DOCK4: variants seen among roughly 807,000 people sequenced by gnomAD.
The protein encoded by DOCK4 is dedicator of cytokinesis 4, also known as dedicator of cytokinesis protein 4.
DOCK4 carries 97 observed loss-of-function variants against 268.1 expected under a neutral mutation model. The observed-to-expected ratio is 0.36, with a 90% confidence interval of 0.31 to 0.43. The LOEUF is 0.43. DOCK4 is among the 20% of genes least tolerant of loss of function. The probability of loss-of-function intolerance (pLI) is 1.00; values close to 1 mark genes in which losing one functional copy is unlikely to be tolerated. For missense variants in DOCK4, 2,145 were observed against 2,455.7 expected (o/e 0.87, Z 2.67); for synonymous variants, 954 against 887.2 (o/e 1.08, Z -1.34).
Position 112,146,663 on chromosome 7 carries a change from G to A in DOCK4, c.37+59439C>T, listed in dbSNP as rs113314376. 4.2e-3 allele frequency among the ~76,000 whole-genome samples: 639 copies of A among 152,272 alleles called. 4 individuals carry two copies. The highest frequency in any genetic ancestry group is 0.015 in the African/African-American group (605 of 41,560). ...AGGAGGATCACCTGAGTCTGGGGAG[G>A]TTAAGGATGCAGTGAGCCCTGATGG... On this transcript the variant is annotated intron_variant, in intron 1 of 52. Transcript: ENST00000428084.
At chr7:112,021,041 C>A (rs1431728034) in intron 1 of DOCK4, among the ~76,000 whole-genome samples, 1 of 152,188 alleles carries the variant, frequency 6.6e-6, no homozygotes, top group Non-Finnish European at 1.5e-5. Flanking sequence ...GGAGATGGCC[C>A]ATTATCATGT....
Position 111,760,224 on chromosome 7 carries a change from G to A in DOCK4, c.4119C>T (p.His1373=), listed in dbSNP as rs780711488. The A allele has an allele frequency of 4.8e-5, 78 of 1,613,890 alleles. No homozygotes were observed. In the Middle Eastern group the frequency reaches 8.2e-4, roughly 17 times the overall value. The change falls in exon 40 of 53, where the codon CAC becomes CAT. Residue 1373 remains histidine, a synonymous_variant. Transcript: ENST00000428084. ...NEFPHAIAMQ[H]ANQPDETIFQ... is the part of the protein sequence containing the mutation. ...AGATGGTCTCATCGGGCTGGTTGGC[G>A]TGCTGCATGGCGATGGCATGGGGGA...
intron 39 of DOCK4, among the ~76,000 whole-genome samples, chr7:111,761,050 A>C (rs2133596123): frequency 6.8e-6 from 1 of 147,846 alleles, no homozygotes; most frequent in East Asian, 1.9e-4. Flanking sequence ...TTGGGGAACC[A>C]GGGCTTAAAG....
At chr7:111,874,941 A>G (rs1160330399) in intron 17 of DOCK4, among the ~76,000 whole-genome samples, 1 of 152,248 alleles carries the variant, frequency 6.6e-6, no homozygotes, top group African/African-American at 2.4e-5. Flanking sequence ...GAATTGTAGT[A>G]GAAATAAGAT....
At chr7:112,146,003 A>C (rs1277391004) in intron 1 of DOCK4, among the ~76,000 whole-genome samples, 1 of 152,200 alleles carries the variant, frequency 6.6e-6, no homozygotes, top group African/African-American at 2.4e-5. Flanking sequence ...TGGAAGAGAT[A>C]ATATTCTAAC....
chr7:112,022,179 G>A (rs1397616344), intron 1 of DOCK4, among the ~76,000 whole-genome samples: 4 of 152,048 alleles, frequency 2.6e-5, no homozygotes, highest in Non-Finnish European at 4.4e-5. Context: ...TGTTTAGCGC[G>A]GTATAATCAC....
At chr7:111,951,678 G>C (rs994016581) in intron 8 of DOCK4, among the ~76,000 whole-genome samples, 1 of 149,204 alleles carries the variant, frequency 6.7e-6, no homozygotes, top group Non-Finnish European at 1.5e-5. Context: ...AAGAAAGAAA[G>C]AAAGAAAAAA....
chr7:112,139,988 C>A (rs1814743176), intron 1 of DOCK4, among the ~76,000 whole-genome samples: 1 of 152,086 alleles, frequency 6.6e-6, no homozygotes, highest in Non-Finnish European at 1.5e-5. Context: ...ATTTTAGTTA[C>A]CATACAGCTC....
At chr7:112,115,482 C>T in intron 1 of DOCK4, among the ~76,000 whole-genome samples, 1 of 152,182 alleles carries the variant, frequency 6.6e-6, no homozygotes, top group South Asian at 2.1e-4. Flanking sequence ...TGCAGTCTGA[C>T]TATTGTTCTG....
chr7:111,783,932 C>T lies in DOCK4; in HGVS notation c.3449G>A (p.Arg1150Gln), dbSNP rs760825737. The change falls in exon 34 of 53, where the codon CGG becomes CAG. Residue 1150 changes from arginine (R) to glutamine (Q), a missense_variant. Physicochemically the swap from Arg to Gln is conservative, Grantham distance 43. Around this residue, in one of 2 missense-constraint regions of DOCK4, gnomAD observed 1,598 missense variants for 1,986.7 expected, o/e 0.80. Transcript: ENST00000428084. Reference sequence around the variant, plus strand: ...AACGCCACTTTCCCGCCATGTTTCCCGCTCAATTTTCTTTAGTAGACTGGA... The same window carrying T: ...AACGCCACTTTCCCGCCATGTTTCCTGCTCAATTTTCTTTAGTAGACTGGA... ...PYPSLLKKIE[R>Q]ETWRESGVSL... is the part of the protein sequence containing the mutation. 1.3e-5 allele frequency: 21 copies of T among 1,605,564 alleles called. No homozygotes were observed. Among genetic ancestry groups the T allele is most frequent in the African/African-American group, 8.0e-5 (6 of 74,776 alleles).
At chr7:111,961,474 T>A (rs1360882604) in intron 8 of DOCK4, among the ~76,000 whole-genome samples, 1 of 152,200 alleles carries the variant, frequency 6.6e-6, no homozygotes, top group Non-Finnish European at 1.5e-5. Context: ...TGATGTGCAT[T>A]CTTACAACTG....
At position 112,120,984 on chromosome 7, in the gene DOCK4, C is replaced by G. The variant is rs143930511; in HGVS notation, c.37+85118G>C. Among the ~76,000 whole-genome samples, 59 of 152,260 alleles carry G rather than the reference C, an allele frequency of 3.9e-4. No individual in the cohort carries two copies. In the East Asian group the frequency reaches 9.1e-3, roughly 23 times the overall value. On this transcript the variant is annotated intron_variant, in intron 1 of 52. Coordinates refer to ENST00000428084, the MANE Select transcript of DOCK4 (RefSeq NM_001363540.2). ...ATTCTTTGAGAACAGAGGATTCAGC[C>G]TACGAGACTGGCATCAAGGGAATTC...
chr7:112,102,938 T>C (rs1810823731), intron 1 of DOCK4, among the ~76,000 whole-genome samples: 1 of 152,248 alleles, frequency 6.6e-6, no homozygotes, highest in Non-Finnish European at 1.5e-5. Flanking sequence ...CCTTTAAAAA[T>C]TCTGTTTATA....
intron 30 of DOCK4, among the ~76,000 whole-genome samples, chr7:111,791,683 T>C (rs2133810713): frequency 6.6e-6 from 1 of 152,218 alleles, no homozygotes; most frequent in Admixed American, 6.5e-5. Context: ...CCTGACCTCA[T>C]GTGATCCGCC....
chr7:112,000,588 GATA>G, intron 2 of DOCK4, 54 bp from the exon 3 acceptor site: 3 of 1,287,030 alleles, frequency 2.3e-6, no homozygotes, highest in Non-Finnish European at 1.1e-6. Flanking sequence ...ATATTTTAAA[GATA>G]ATAACAAATC....
At chr7:112,050,772 G>C (rs530062952) in intron 1 of DOCK4, among the ~76,000 whole-genome samples, 1 of 152,052 alleles carries the variant, frequency 6.6e-6, no homozygotes, top group African/African-American at 2.4e-5. Context: ...TTTCAATCCC[G>C]ATTTTTTTAC....
At chr7:111,809,149 C>T (rs60794890) in intron 29 of DOCK4, among the ~76,000 whole-genome samples, 152 bp downstream of exon 29, 10,625 of 152,180 alleles carry the variant, frequency 0.07, 1,242 homozygotes, top group African/African-American at 0.24. Context: ...TTTGAAATAT[C>T]AAAACATCCA....
intron 42 of DOCK4, among the ~76,000 whole-genome samples, chr7:111,751,137 C>A (rs1034795680): frequency 1.3e-5 from 2 of 152,126 alleles, no homozygotes; most frequent in Non-Finnish European, 2.9e-5. Context: ...CACATAACAC[C>A]AAGTATGAAG....
intron 49 of DOCK4, 131 bp from the exon 50 acceptor site, chr7:111,737,120 G>A: frequency 1.5e-6 from 1 of 686,824 alleles, no homozygotes; most frequent in Non-Finnish European, 2.4e-6. Flanking sequence ...GATGAGCCTA[G>A]GAACAAATAA....
Sources: allele counts gnomAD v4.1 joint callset (sites outside exome capture counted in the v4.1 genomes callset), GRCh38; gene constraint gnomAD v4.1.1; regional missense constraint gnomAD v4.1.1; transcripts MANE v1.5; gene names NCBI Gene and HGNC (gene_info 2026-07-23, HGNC 2026-07-21).